Variants in GNAQ observed in about 807,000 individuals in gnomAD.
The protein encoded by GNAQ is guanine nucleotide-binding protein G(q) subunit alpha.
A neutral mutation model predicts 43.9 loss-of-function variants in GNAQ; 8 were observed. That is an observed-to-expected ratio of 0.18 (90% CI 0.11 to 0.33). The LOEUF (loss-of-function observed/expected upper bound fraction) is 0.33. GNAQ is among the 10% of genes least tolerant of loss of function. The pLI is 1.00. For missense variants in GNAQ, 158 were observed against 450.8 expected (o/e 0.35, Z 5.88); for synonymous variants, 155 against 170.7 (o/e 0.91, Z 0.71).
intron 2 of GNAQ, among the ~76,000 whole-genome samples, chr9:77,868,384 T>A (rs934560759): frequency 2.0e-5 from 3 of 152,204 alleles, no homozygotes; most frequent in Non-Finnish European, 4.4e-5. Context: ...TATTTAATGA[T>A]CTGTGGCATG....
chr9:77,851,263 T>G (rs1478394567), intron 2 of GNAQ, among the ~76,000 whole-genome samples: 14 of 152,154 alleles, frequency 9.2e-5, no homozygotes, highest in Admixed American at 5.9e-4. Context: ...AACCCCATTT[T>G]TTCCCCTCAG....
At chr9:77,878,861 C>A (rs1402048047) in intron 2 of GNAQ, among the ~76,000 whole-genome samples, 2 of 151,990 alleles carry the variant, frequency 1.3e-5, no homozygotes, top group African/African-American at 4.8e-5. Flanking sequence ...GCCTGGCCTA[C>A]ATGATGAAAC....
chr9:77,785,374 G>A (rs1217172584), intron 5 of GNAQ, among the ~76,000 whole-genome samples: 1 of 152,174 alleles, frequency 6.6e-6, no homozygotes, highest in South Asian at 2.1e-4. Flanking sequence ...CCAACACCTT[G>A]ATTTCAGACT....
chr9:77,843,940 T>C (rs1325708977), intron 2 of GNAQ, among the ~76,000 whole-genome samples: 1 of 152,136 alleles, frequency 6.6e-6, no homozygotes, highest in Non-Finnish European at 1.5e-5. Flanking sequence ...TATCAGGTCC[T>C]TATAACTCAG....
chr9:77,819,506 A>T (rs1827077427), intron 2 of GNAQ, among the ~76,000 whole-genome samples: 1 of 152,160 alleles, frequency 6.6e-6, no homozygotes, highest in South Asian at 2.1e-4. Flanking sequence ...TTTAGACTGG[A>T]ATGTCACACC....
chr9:77,928,636 G>A (rs1209572089), intron 1 of GNAQ, among the ~76,000 whole-genome samples: 3 of 152,154 alleles, frequency 2.0e-5, no homozygotes, highest in East Asian at 1.9e-4. Flanking sequence ...TGGAGTGCCC[G>A]TAGTAAACAT....
chr9:77,811,802 G>A (rs1826932253), intron 3 of GNAQ, among the ~76,000 whole-genome samples: 1 of 152,218 alleles, frequency 6.6e-6, no homozygotes, highest in African/African-American at 2.4e-5. Context: ...CTGATGTATA[G>A]GTGGTGCCAA....
intron 5 of GNAQ, among the ~76,000 whole-genome samples, chr9:77,753,377 C>T (rs1179469211): frequency 1.3e-5 from 2 of 152,258 alleles, no homozygotes; most frequent in East Asian, 1.9e-4. Flanking sequence ...TTAGCATTTA[C>T]GTCTATCAGC....
intron 2 of GNAQ, among the ~76,000 whole-genome samples, chr9:77,878,567 T>C (rs865811389): frequency 1.3e-5 from 2 of 152,048 alleles, no homozygotes; most frequent in Non-Finnish European, 2.9e-5. Flanking sequence ...TTGGTGCACT[T>C]TCAACCTCTA....
At chr9:77,810,244 A>G (rs1038971265) in intron 3 of GNAQ, among the ~76,000 whole-genome samples, 1 of 151,152 alleles carries the variant, frequency 6.6e-6, no homozygotes, top group African/African-American at 2.5e-5. Flanking sequence ...CTATCTATCT[A>G]TCTATCTATC....
chr9:77,803,911 T>A (rs1826785906), intron 3 of GNAQ, among the ~76,000 whole-genome samples: 1 of 152,222 alleles, frequency 6.6e-6, no homozygotes, highest in South Asian at 2.1e-4. Context: ...ACACGCTGAA[T>A]GTCAGGATAA....
At chr9:78,030,604 C>A in intron 1 of GNAQ, 2 of 465,598 alleles carry the variant, frequency 4.3e-6, no homozygotes, top group Non-Finnish European at 4.5e-6. Context: ...GGATGCACAC[C>A]GGCCACTCCA....
At chr9:77,784,259 C>T (rs1002227166) in intron 5 of GNAQ, among the ~76,000 whole-genome samples, 16 of 152,032 alleles carry the variant, frequency 1.1e-4, no homozygotes, top group Admixed American at 4.6e-4. Flanking sequence ...ATATATCACA[C>T]AGTGTATACA....
chr9:77,845,561 G>T (rs1216220469), intron 2 of GNAQ, among the ~76,000 whole-genome samples: 1 of 152,148 alleles, frequency 6.6e-6, no homozygotes, highest in Non-Finnish European at 1.5e-5. Flanking sequence ...TTACTTTAAA[G>T]AACACAATTC....
intron 5 of GNAQ, among the ~76,000 whole-genome samples, chr9:77,766,042 T>C (rs144893647): frequency 2.5e-4 from 38 of 152,252 alleles, no homozygotes; most frequent in African/African-American, 6.5e-4. Context: ...GTCAAATTCA[T>C]AGAGATAGAA....
intron 2 of GNAQ, among the ~76,000 whole-genome samples, chr9:77,830,585 T>C (rs1056302650): frequency 6.6e-6 from 1 of 152,194 alleles, no homozygotes; most frequent in Non-Finnish European, 1.5e-5. Flanking sequence ...TTACAAAATG[T>C]TAGTCTTCCA....
intron 5 of GNAQ, among the ~76,000 whole-genome samples, chr9:77,733,115 C>T (rs1259508891): frequency 1.3e-5 from 2 of 152,180 alleles, no homozygotes; most frequent in Non-Finnish European, 2.9e-5. Context: ...GAAACATTCA[C>T]TCCAATCCTT....
At chr9:77,738,495 G>C (rs1419452527) in intron 5 of GNAQ, among the ~76,000 whole-genome samples, 1 of 152,096 alleles carries the variant, frequency 6.6e-6, no homozygotes, top group Non-Finnish European at 1.5e-5. Context: ...AAAGAAAAAA[G>C]TTCCCATAGT....
At chr9:77,854,938 C>T (rs1164707536) in intron 2 of GNAQ, among the ~76,000 whole-genome samples, 1 of 152,120 alleles carries the variant, frequency 6.6e-6, no homozygotes, top group Non-Finnish European at 1.5e-5. Context: ...AACAAATAAC[C>T]AGTCTTTCTG....
Sources: allele counts gnomAD v4.1 joint callset (sites outside exome capture counted in the v4.1 genomes callset), GRCh38; gene constraint gnomAD v4.1.1; transcripts MANE v1.5; gene names NCBI Gene and HGNC (gene_info 2026-07-23, HGNC 2026-07-21).